POLR3H: variants seen among roughly 807,000 people sequenced by gnomAD.
POLR3H encodes RNA polymerase III subunit H, also known as DNA-directed RNA polymerase III subunit RPC8.
A neutral mutation model predicts 25.5 loss-of-function variants in POLR3H; 17 were observed. The observed-to-expected ratio is 0.67, with a 90% CI of 0.46 to 1.00. The LOEUF is 1.00. POLR3H is among the 50% of genes least tolerant of loss of function. POLR3H has a pLI of 0.00. For synonymous variants in POLR3H, 129 were observed against 103.0 expected (o/e 1.25, Z -1.53); for missense variants, 274 against 265.0 (o/e 1.03, Z -0.24).
rs557670430 is a variant in POLR3H at position 41,527,540 on chromosome 22, C to G, written c.*1743G>C. On this transcript the variant is annotated 3_prime_UTR_variant, in exon 6 of 6. Coordinates refer to ENST00000355209, the MANE Select transcript of POLR3H (RefSeq NM_001018050.4). ...CTGTGTCCACTGCAGCCCACAGGCC[C>G]GTCAGCCTCTTGCCCCTTCTTAGGC... 7.3e-7 allele frequency: 1 copy of G among 1,373,752 alleles called. No individual in the cohort carries two copies. Among genetic ancestry groups the G allele is most frequent in the Non-Finnish European group, 9.8e-7 (1 of 1,018,504 alleles). The allele number at this position is 1,373,752 out of a possible 1,614,324, so 85.1% of individuals were successfully genotyped here. A position where few individuals can be genotyped will look rare whatever the true frequency, so the allele number is the denominator to read the frequency against.
At position 41,526,424 on chromosome 22, in the gene POLR3H, C is replaced by T. The variant is rs556526295; in HGVS notation, c.*2859G>A. The T allele has an allele frequency of 3.7e-5, 59 of 1,613,612 alleles. No homozygotes were observed. The Admixed American group carries it at 9.2e-4, about 25-fold the overall frequency. Reference sequence around the variant, plus strand: ...CAATGCCGTCACTCAGGAGTTTGGCCCCGTCCCTGACACTGCCCGCTACTA... The same window carrying T: ...CAATGCCGTCACTCAGGAGTTTGGCTCCGTCCCTGACACTGCCCGCTACTA... On this transcript the variant is annotated 3_prime_UTR_variant, in exon 6 of 6. Transcript: ENST00000355209.
chr22:41,527,167 C>T lies in POLR3H; in HGVS notation c.*2116G>A, dbSNP rs1292387463. ...GCAGGCGAGGAAGGGCCCCTCCAGC[C>T]CCTTTACCGGGAGCCTCAGGATGCC... is the stretch of plus-strand genomic sequence containing the variant. On this transcript the variant is annotated 3_prime_UTR_variant, in exon 6 of 6. Transcript: ENST00000355209. 3.1e-5 allele frequency: 46 copies of T among 1,475,278 alleles called. No homozygotes were observed. The Admixed American group carries it at 7.6e-4, about 24-fold the overall frequency. The allele number at this position is 1,475,278 out of a possible 1,614,324, so 91.4% of individuals were successfully genotyped here. A position where few individuals can be genotyped will look rare whatever the true frequency, so the allele number is the denominator to read the frequency against.
At chr22:41,529,905 G>C (rs190696604) in intron 5 of POLR3H, among the ~76,000 whole-genome samples, 1 of 150,908 alleles carries the variant, frequency 6.6e-6, no homozygotes, top group East Asian at 2.0e-4. Flanking sequence ...ACAGGCGCCC[G>C]CCACCACACC....
intron 3 of POLR3H, 40 bp from the exon 4 acceptor site, chr22:41,532,197 C>G: frequency 6.3e-7 from 1 of 1,593,094 alleles, no homozygotes; most frequent in Non-Finnish European, 8.6e-7. Context: ...AGATGGGGGT[C>G]CCAGTGGACG....
In POLR3H at chr22:41,526,600, G is replaced by C. The variant is rs1301402587; in HGVS notation, c.*2683C>G. ...CTGCTGTGGAAGGGAGGAGAGGCCT[G>C]CAGCCCCTCCCTGTGGCTGAGAAGG... On this transcript the variant is annotated 3_prime_UTR_variant, in exon 6 of 6. Coordinates refer to ENST00000355209, the MANE Select transcript of POLR3H (RefSeq NM_001018050.4). 3.6e-6 allele frequency: 3 copies of C among 842,750 alleles called. No individual in the cohort carries two copies. Among genetic ancestry groups the C allele is most frequent in the Non-Finnish European group, 5.2e-6 (3 of 573,856 alleles). The allele number at this position is 842,750 out of a possible 1,614,324, so 52.2% of individuals were successfully genotyped here.
chr22:41,530,993 T>G, intron 4 of POLR3H, 105 bp from the exon 5 acceptor site: 1 of 1,114,076 alleles, frequency 9.0e-7, no homozygotes, highest in South Asian at 1.4e-5. Flanking sequence ...GTGAGATCAC[T>G]GTGGCTGGGA....
rs147378062 is a variant in POLR3H, at chr22:41,528,571, C to T, written c.*712G>A. On this transcript the variant is annotated 3_prime_UTR_variant, in exon 6 of 6. Coordinates refer to ENST00000355209, the MANE Select transcript of POLR3H (RefSeq NM_001018050.4). ...ACGAGACGCAGATTGAGTGGTTCCG[C>T]GCTGGCAGTGCCCTCAACAGAATGA... 120 of 1,612,832 alleles carry T rather than the reference C, an allele frequency of 7.4e-5. No individual in the cohort carries two copies. Among genetic ancestry groups the T allele is most frequent in the Admixed American group, 2.3e-4 (14 of 60,006 alleles).
Position 41,540,754 on chromosome 22 carries a change from G to A in POLR3H, c.153C>T (p.Ile51=), listed in dbSNP as rs1467685119. ...NVGLCICLFD[I]TKLEDAYVFP... ...ATACATAGGCATCCTCCAGTTTGGT[G>A]ATATCAAACAGACAAATGCAGAGTC... The change falls in exon 2 of 6, where the codon ATC becomes ATT. Residue 51 remains isoleucine (I), a synonymous_variant. Transcript: ENST00000355209. 1.9e-6 allele frequency: 3 copies of A among 1,614,014 alleles called. No homozygotes were observed. The highest frequency in any genetic ancestry group is 2.7e-5 in the African/African-American group (2 of 74,924).
intron 1 of POLR3H, chr22:41,543,706 C>T (rs1461829151): frequency 3.5e-6 from 2 of 564,212 alleles, no homozygotes; most frequent in Admixed American, 4.8e-5. Flanking sequence ...ATTTTATCCC[C>T]ATTTTAAAAA....
rs770391247 is a variant in POLR3H at position 41,527,256 on chromosome 22, GC to G, written c.*2026del. ...ACAGGTGAGGACGGTGCCCTCCTCT[GC>G]CTTATAACCTTACCCCCGCTTGCCT... On this transcript the variant is annotated 3_prime_UTR_variant, in exon 6 of 6. Coordinates refer to ENST00000355209, the MANE Select transcript of POLR3H (RefSeq NM_001018050.4). The G allele has an allele frequency of 1.2e-6, 2 of 1,613,900 alleles. No individual in the cohort carries two copies. The highest frequency in any genetic ancestry group is 1.7e-6 in the Non-Finnish European group (2 of 1,179,956).
In POLR3H at chr22:41,527,466, G is replaced by A. The variant is rs1183824272; in HGVS notation, c.*1817C>T. ...AGGCCATCCTCATCCCATCCCTAGTGATCAAGGTCACTCTCCCTGCCCGTG... is the reference window on the plus strand; with the variant it reads ...AGGCCATCCTCATCCCATCCCTAGTAATCAAGGTCACTCTCCCTGCCCGTG... On this transcript the variant is annotated 3_prime_UTR_variant, in exon 6 of 6. Transcript: ENST00000355209. The A allele has an allele frequency of 1.9e-6, 3 of 1,567,182 alleles. No homozygotes were observed. Among genetic ancestry groups the A allele is most frequent in the Non-Finnish European group, 1.7e-6 (2 of 1,157,168 alleles).
chr22:41,532,315 C>T (rs750514860), intron 3 of POLR3H, among the ~76,000 whole-genome samples, 158 bp from the exon 4 acceptor site: 27 of 151,616 alleles, frequency 1.8e-4, no homozygotes, highest in Admixed American at 3.3e-4. Context: ...AATGCCTCTG[C>T]GTACACCACC....
chr22:41,542,073 G>GTATTTTAC (rs2145574774), intron 1 of POLR3H, among the ~76,000 whole-genome samples: 1 of 151,604 alleles, frequency 6.6e-6, no homozygotes, highest in African/African-American at 2.4e-5. Context: ...ACCATGGTGG[G>GTATTTTAC]TATTTTACCC....
At chr22:41,543,553 G>A (rs1390646324) in intron 1 of POLR3H, among the ~76,000 whole-genome samples, 1 of 152,058 alleles carries the variant, frequency 6.6e-6, no homozygotes, top group African/African-American at 2.4e-5. Context: ...CCCGGGAGGC[G>A]GAGGTTGCAG....
chr22:41,528,076 T>C lies in POLR3H; in HGVS notation c.*1207A>G. 1 of 1,611,734 alleles carries C rather than the reference T, an allele frequency of 6.2e-7. No homozygotes were observed. The highest frequency in any genetic ancestry group is 1.1e-5 in the South Asian group (1 of 90,996). On this transcript the variant is annotated 3_prime_UTR_variant, in exon 6 of 6. Coordinates refer to ENST00000355209, the MANE Select transcript of POLR3H (RefSeq NM_001018050.4). Reference sequence around the variant, plus strand: ...TGGGGTGAGGGGCAGCCACCTTGTTTCCCCTCCTGCACTGGCCCCAGGGTA... The same window carrying C: ...TGGGGTGAGGGGCAGCCACCTTGTTCCCCCTCCTGCACTGGCCCCAGGGTA...
chr22:41,543,649 AAACAAC>A (rs201986870), intron 1 of POLR3H: 5 of 415,448 alleles, frequency 1.2e-5, no homozygotes, highest in South Asian at 2.0e-5. Context: ...AAAACAAAAC[AAACAAC>A]AACAACAACA....
In POLR3H at chr22:41,543,973, G is replaced by A. The variant is rs374288818; in HGVS notation, c.111+18C>T. 2 of 1,584,738 alleles carry A rather than the reference G, an allele frequency of 1.3e-6. No individual in the cohort carries two copies. Among genetic ancestry groups the A allele is most frequent in the African/African-American group, 2.7e-5 (2 of 74,416 alleles). ...CTCTCCCACGCCAAGGCCTGCCCGC[G>A]AGCCGTGGGCCCAGTACCTTGTTGG... On this transcript the variant is annotated intron_variant, in intron 1 of 5. Coordinates refer to ENST00000355209, the MANE Select transcript of POLR3H (RefSeq NM_001018050.4).
chr22:41,530,977 C>T (rs1569030644), intron 4 of POLR3H, 89 bp from the exon 5 acceptor site: 16 of 1,279,928 alleles, frequency 1.3e-5, no homozygotes, highest in Non-Finnish European at 1.0e-5. Context: ...AAAAACCAAT[C>T]TCAGGGTGAG....
chr22:41,527,000 A>G lies in POLR3H; in HGVS notation c.*2283T>C, dbSNP rs2066612788. 4.0e-6 allele frequency: 2 copies of G among 500,094 alleles called. No individual in the cohort carries two copies. Among genetic ancestry groups the G allele is most frequent in the Non-Finnish European group, 7.1e-6 (2 of 279,936 alleles). The allele number at this position is 500,094 out of a possible 1,614,324, so 31.0% of individuals were successfully genotyped here. A position where few individuals can be genotyped will look rare whatever the true frequency, so the allele number is the denominator to read the frequency against. On this transcript the variant is annotated 3_prime_UTR_variant, in exon 6 of 6. Transcript: ENST00000355209. ...CCGGAGGCCGTCCCTGTCTCACCCAACCTCCCTCCACACACACCTGCCTCT... is the reference window on the plus strand; with the variant it reads ...CCGGAGGCCGTCCCTGTCTCACCCAGCCTCCCTCCACACACACCTGCCTCT...
Sources: gnomAD v4.1 joint callset for allele counts (sites outside exome capture counted in the v4.1 genomes callset) on GRCh38, gnomAD v4.1.1 for gene constraint, MANE v1.5 for transcripts, NCBI Gene and HGNC (gene_info 2026-07-23, HGNC 2026-07-21) for gene names.